MAGI2: variants seen among roughly 807,000 people sequenced by gnomAD.
The protein encoded by MAGI2 is membrane-associated guanylate kinase, WW and PDZ domain-containing protein 2.
A neutral mutation model predicts 133.3 loss-of-function variants in MAGI2; 35 were observed. The ratio of observed to expected loss-of-function variants is 0.26; its 90% CI spans 0.20 to 0.35. The LOEUF (loss-of-function observed/expected upper bound fraction) is 0.35. Among genes scored for constraint, MAGI2 ranks in the 10% least tolerant of loss-of-function variants. The probability of loss-of-function intolerance (pLI) is 1.00; values close to 1 mark genes in which losing one functional copy is unlikely to be tolerated. For missense variants in MAGI2, 1,636 were observed against 1,863.4 expected, an observed-to-expected ratio of 0.88 and a Z score of 2.25; for synonymous variants, 729 against 710.6, an observed-to-expected ratio of 1.03 and a Z score of -0.41.
intron 2 of MAGI2, among the ~76,000 whole-genome samples, chr7:78,852,366 G>A (rs778753854): frequency 5.3e-5 from 8 of 151,816 alleles, no homozygotes; most frequent in Non-Finnish European, 8.8e-5. Context: ...TTTTTTTCAC[G>A]AACAGGAAAC....
At chr7:79,006,888 C>A (rs1807503912) in intron 2 of MAGI2, 1 of 434,408 alleles carries the variant, frequency 2.3e-6, no homozygotes, top group Non-Finnish European at 4.0e-6. Context: ...TCACAAGTTT[C>A]TTCTGGCTAC....
At chr7:78,525,321 T>C (rs1796856377) in intron 3 of MAGI2, among the ~76,000 whole-genome samples, 1 of 152,134 alleles carries the variant, frequency 6.6e-6, no homozygotes. Flanking sequence ...AAGCCAACGT[T>C]TTTATCTCAT....
At chr7:78,165,171 T>C (rs1825503887) in intron 15 of MAGI2, among the ~76,000 whole-genome samples, 1 of 152,144 alleles carries the variant, frequency 6.6e-6, no homozygotes, top group African/African-American at 2.4e-5. Flanking sequence ...CTTTTGAGAA[T>C]CTAGTTTATC....
chr7:78,603,854 C>A (rs1247882593), intron 3 of MAGI2, among the ~76,000 whole-genome samples: 1 of 152,088 alleles, frequency 6.6e-6, no homozygotes, highest in Non-Finnish European at 1.5e-5. Context: ...TACCAAGAAA[C>A]CTATACAATG....
chr7:78,748,285 T>C (rs993657211), intron 2 of MAGI2, among the ~76,000 whole-genome samples: 7 of 152,196 alleles, frequency 4.6e-5, no homozygotes, highest in African/African-American at 1.7e-4. Flanking sequence ...TTTAGTTTGG[T>C]AATTGGCCAT....
chr7:78,590,452 A>T (rs1045045473), intron 3 of MAGI2, among the ~76,000 whole-genome samples: 1 of 152,104 alleles, frequency 6.6e-6, no homozygotes, highest in East Asian at 1.9e-4. Context: ...CATTGGGAAA[A>T]TTTTTCACAT....
intron 3 of MAGI2, among the ~76,000 whole-genome samples, chr7:78,563,657 A>G (rs1157744891): frequency 6.6e-6 from 1 of 152,230 alleles, no homozygotes; most frequent in Non-Finnish European, 1.5e-5. Flanking sequence ...GAGCTATGAT[A>G]AATTCTGTTG....
At chr7:79,340,923 T>C (rs746851251) in intron 1 of MAGI2, among the ~76,000 whole-genome samples, 1 of 152,110 alleles carries the variant, frequency 6.6e-6, no homozygotes, top group Non-Finnish European at 1.5e-5. Context: ...CTCTTAGCCA[T>C]TTTGTTGAAT....
intron 2 of MAGI2, among the ~76,000 whole-genome samples, chr7:78,788,257 T>C (rs1460770420): frequency 6.6e-6 from 1 of 152,214 alleles, no homozygotes; most frequent in Non-Finnish European, 1.5e-5. Flanking sequence ...CAATCTTTTT[T>C]ATATACTGAA....
At chr7:78,732,840 A>G (rs1360741689) in intron 2 of MAGI2, among the ~76,000 whole-genome samples, 2 of 152,178 alleles carry the variant, frequency 1.3e-5, no homozygotes, top group African/African-American at 4.8e-5. Flanking sequence ...GGTGTAAAGT[A>G]ACAACACCTT....
intron 1 of MAGI2, among the ~76,000 whole-genome samples, chr7:79,019,213 G>T (rs1206966686): frequency 1.3e-5 from 2 of 152,110 alleles, no homozygotes; most frequent in African/African-American, 4.8e-5. Flanking sequence ...TATATGATTT[G>T]GCTCTGTGTC....
At chr7:79,230,798 T>C (rs1448791891) in intron 1 of MAGI2, among the ~76,000 whole-genome samples, 3 of 151,662 alleles carry the variant, frequency 2.0e-5, no homozygotes, top group Non-Finnish European at 4.4e-5. Flanking sequence ...TTAGTTTAAT[T>C]AGATCCCATT....
chr7:78,529,494 T>A (rs939425973), intron 3 of MAGI2, among the ~76,000 whole-genome samples: 1 of 152,138 alleles, frequency 6.6e-6, no homozygotes, highest in African/African-American at 2.4e-5. Context: ...ATTTGAACAT[T>A]TGTAACTATA....
chr7:79,269,016 G>A (rs537825311), intron 1 of MAGI2, among the ~76,000 whole-genome samples: 17 of 152,182 alleles, frequency 1.1e-4, no homozygotes, highest in Non-Finnish European at 2.2e-4. Context: ...CCACAATCAC[G>A]GGAAATGGTG....
intron 21 of MAGI2, among the ~76,000 whole-genome samples, chr7:78,053,000 A>G (rs1365361642): frequency 1.3e-5 from 2 of 152,238 alleles, no homozygotes; most frequent in Non-Finnish European, 2.9e-5. Context: ...GGATATTTAT[A>G]TCATGGAAAA....
At chr7:78,804,813 A>C (rs1788423706) in intron 2 of MAGI2, among the ~76,000 whole-genome samples, 1 of 150,808 alleles carries the variant, frequency 6.6e-6, no homozygotes, top group East Asian at 2.0e-4. Context: ...CCTGCCTGTA[A>C]TCCCAGCACT....
chr7:78,764,390 G>T (rs981583239), intron 2 of MAGI2, among the ~76,000 whole-genome samples: 1 of 152,146 alleles, frequency 6.6e-6, no homozygotes, highest in Non-Finnish European at 1.5e-5. Context: ...ATTGCTAACT[G>T]TCCTAACTTC....
intron 6 of MAGI2, among the ~76,000 whole-genome samples, chr7:78,372,250 C>T (rs931675020): frequency 3.3e-5 from 5 of 152,122 alleles, no homozygotes; most frequent in Non-Finnish European, 4.4e-5. Flanking sequence ...AACTTCTTAA[C>T]ATTATACACT....
intron 6 of MAGI2, among the ~76,000 whole-genome samples, chr7:78,428,694 T>G (rs1799512028): frequency 6.6e-6 from 1 of 152,202 alleles, no homozygotes; most frequent in Non-Finnish European, 1.5e-5. Flanking sequence ...ATAAAAAGCC[T>G]GACTTGGCCT....
Sources: gnomAD v4.1 joint callset for allele counts (sites outside exome capture counted in the v4.1 genomes callset) on GRCh38, gnomAD v4.1.1 for gene constraint, MANE v1.5 for transcripts, NCBI Gene and HGNC (gene_info 2026-07-23, HGNC 2026-07-21) for gene names.